Variants in LEF1 observed in about 807,000 individuals in gnomAD.
LEF1 encodes the protein lymphoid enhancer-binding factor 1.
In LEF1, 14 loss-of-function variants were observed where a neutral mutation model predicts 51.2. The ratio of observed to expected loss-of-function variants is 0.27; its 90% CI spans 0.18 to 0.43. LEF1 has a LOEUF of 0.43. Among genes scored for constraint, LEF1 ranks in the 20% least tolerant of loss-of-function variants. The probability of loss-of-function intolerance (pLI) is 1.00; values close to 1 mark genes in which losing one functional copy is unlikely to be tolerated. For missense variants in LEF1, 386 were observed against 512.0 expected (o/e 0.75, Z 2.37); for synonymous variants, 185 against 183.2 (o/e 1.01, Z -0.08).
intron 3 of LEF1, among the ~76,000 whole-genome samples, chr4:108,132,721 G>C (rs1208680543): frequency 8.2e-6 from 1 of 121,268 alleles, no homozygotes; most frequent in Non-Finnish European, 1.6e-5. Context: ...AGGCTAGAGT[G>C]CAATGGCACA....
At position 108,158,965 on chromosome 4, in the gene LEF1, CT is replaced by C. The variant is rs1194411856; in HGVS notation, c.414+4602del. Among the ~76,000 whole-genome samples the C allele has an allele frequency of 2.0e-5, 3 of 150,972 alleles. No homozygotes were observed. The South Asian group carries it at 6.3e-4, about 32-fold the overall frequency. On this transcript the variant is annotated intron_variant, in intron 3 of 11. Transcript: ENST00000265165. ...GATTTTTGCGGATTGGCTCAATGGT[CT>C]TTTTTTTAGTGTGTGGTCTTTTTTT...
chr4:108,090,289 TTAA>T (rs140151494), intron 3 of LEF1, among the ~76,000 whole-genome samples: 2,528 of 152,320 alleles, frequency 0.017, 61 homozygotes, highest in African/African-American at 0.058. Context: ...AAATACTGCT[TTAA>T]TAATATTTTT....
chr4:108,154,851 A>G (rs190398830), intron 3 of LEF1, among the ~76,000 whole-genome samples: 25 of 152,306 alleles, frequency 1.6e-4, no homozygotes, highest in African/African-American at 5.5e-4. Context: ...CAATATATAA[A>G]TATTTAACAT....
In LEF1 at chr4:108,165,124, C is replaced by T. The variant is rs61752607; in HGVS notation, c.253G>A (p.Asp85Asn). 13,490 of 1,614,054 alleles carry T rather than the reference C, an allele frequency of 8.4e-3. 66 individuals carry two copies. Among genetic ancestry groups the T allele is most frequent in the South Asian group, 0.016 (1,500 of 91,060 alleles). Reference protein sequence around the residue: ...QAQTSQEPYHDKAREHPDDGK... With the variant: ...QAQTSQEPYHNKAREHPDDGK... ...TCATCGGGGTGTTCTCTGGCCTTGT[C>T]GTGGTAGGGCTCCTGAGAGGTTTGT... is the stretch of plus-strand genomic sequence containing the variant. The change falls in exon 2 of 12, where the codon GAC becomes AAC. Residue 85 changes from aspartate to asparagine, a missense_variant. Asp to Asn is a conservative substitution (Grantham distance 23). Transcript: ENST00000265165.
At chr4:108,118,952 G>T (rs1236445583) in intron 3 of LEF1, among the ~76,000 whole-genome samples, 1 of 151,210 alleles carries the variant, frequency 6.6e-6, no homozygotes, top group Non-Finnish European at 1.5e-5. Flanking sequence ...TTCAAACAAA[G>T]ATTTTTTTGT....
intron 6 of LEF1, 48 bp downstream of exon 6, chr4:108,081,538 G>T: frequency 1.3e-6 from 2 of 1,483,400 alleles, no homozygotes; most frequent in African/African-American, 1.4e-5. Flanking sequence ...ATGCAAGCAC[G>T]AGAAGAGCAA....
chr4:108,136,584 AG>A (rs1232861650), intron 3 of LEF1, among the ~76,000 whole-genome samples: 2 of 152,100 alleles, frequency 1.3e-5, no homozygotes, highest in East Asian at 3.9e-4. Flanking sequence ...AAATGCCAGA[AG>A]TTTGCCTTTC....
intron 11 of LEF1, among the ~76,000 whole-genome samples, chr4:108,055,974 C>T (rs985646018): frequency 2.0e-5 from 3 of 152,176 alleles, no homozygotes; most frequent in African/African-American, 7.2e-5. Flanking sequence ...TGAGCTATAG[C>T]GGACATCTGT....
chr4:108,096,589 G>A (rs1740411420), intron 3 of LEF1, among the ~76,000 whole-genome samples: 1 of 152,128 alleles, frequency 6.6e-6, no homozygotes, highest in Admixed American at 6.6e-5. Context: ...ATGGACAAAT[G>A]GGATCACGTT....
intron 3 of LEF1, among the ~76,000 whole-genome samples, chr4:108,121,693 A>G (rs1172526314): frequency 6.6e-6 from 1 of 152,232 alleles, no homozygotes; most frequent in African/African-American, 2.4e-5. Flanking sequence ...GACTGCTAGC[A>G]GCAAAGGCCA....
chr4:108,140,998 A>T (rs1743611803), intron 3 of LEF1, among the ~76,000 whole-genome samples: 1 of 152,228 alleles, frequency 6.6e-6, no homozygotes, highest in Non-Finnish European at 1.5e-5. Flanking sequence ...CTCAAAATAA[A>T]AATGTTATTC....
rs1739650772 is a variant in LEF1, at chr4:108,086,435, T to G, written c.547+2690A>C. Reference sequence around the variant, plus strand: ...ACTAGTATTTATTGAACACTTACTATGTGCTGGAGGATATACTGAGCGTAG... The same window carrying G: ...ACTAGTATTTATTGAACACTTACTAGGTGCTGGAGGATATACTGAGCGTAG... On this transcript the variant is annotated intron_variant, in intron 4 of 11. Transcript: ENST00000265165. Among the ~76,000 whole-genome samples, 3 of 152,170 alleles carry G rather than the reference T, an allele frequency of 2.0e-5. No homozygotes were observed. The East Asian group carries it at 5.8e-4, about 29-fold the overall frequency.
intron 3 of LEF1, 135 bp downstream of exon 3, chr4:108,163,433 A>G: frequency 1.1e-6 from 1 of 930,034 alleles, no homozygotes; most frequent in South Asian, 1.8e-5. Flanking sequence ...ATTCCTCATA[A>G]CAGCTCTTAT....
At chr4:108,135,087 G>C (rs554950764) in intron 3 of LEF1, among the ~76,000 whole-genome samples, 1 of 152,320 alleles carries the variant, frequency 6.6e-6, no homozygotes, top group Admixed American at 6.5e-5. Context: ...ATTGCAAGTT[G>C]ATGGGTCCAT....
At position 108,074,957 on chromosome 4, in the gene LEF1, T is replaced by A. The variant is rs190987442; in HGVS notation, c.1008+3263A>T. Among the ~76,000 whole-genome samples the A allele has an allele frequency of 1.1e-4, 17 of 152,294 alleles. 1 individual carries two copies. In the East Asian group the frequency reaches 3.1e-3, roughly 28 times the overall value. On this transcript the variant is annotated intron_variant, in intron 8 of 11. Coordinates refer to ENST00000265165, the MANE Select transcript of LEF1 (RefSeq NM_016269.5). The stretch of plus-strand genomic sequence containing the variant: ...ACTCAAAAAAGAAAAAAGAAAAAAC[T>A]AAGAGTTGCATACAAGCTGAAATAA...
intron 9 of LEF1, among the ~76,000 whole-genome samples, chr4:108,064,759 G>C (rs553166788): frequency 6.7e-6 from 1 of 150,326 alleles, no homozygotes; most frequent in African/African-American, 2.5e-5. Flanking sequence ...ACACACACAC[G>C]GATAATGATG....
chr4:108,143,497 GC>G (rs1743799886), intron 3 of LEF1, among the ~76,000 whole-genome samples: 1 of 151,920 alleles, frequency 6.6e-6, no homozygotes, highest in South Asian at 2.1e-4. Flanking sequence ...ATATCCCAAG[GC>G]CCCCTTCTAA....
At chr4:108,127,143 G>GA (rs113312128) in intron 3 of LEF1, among the ~76,000 whole-genome samples, 1 of 151,710 alleles carries the variant, frequency 6.6e-6, no homozygotes, top group East Asian at 1.9e-4. Flanking sequence ...CATTTTGGCA[G>GA]AAAAAAACAG....
At chr4:108,060,736 T>C (rs1363159988) in intron 11 of LEF1, among the ~76,000 whole-genome samples, 1 of 152,070 alleles carries the variant, frequency 6.6e-6, no homozygotes, top group Non-Finnish European at 1.5e-5. Context: ...ATAGTACTTA[T>C]ATTTTCCTGT....
Sources: gnomAD v4.1 joint callset for allele counts (sites outside exome capture counted in the v4.1 genomes callset) on GRCh38, gnomAD v4.1.1 for gene constraint, MANE v1.5 for transcripts, NCBI Gene and HGNC (gene_info 2026-07-23, HGNC 2026-07-21) for gene names.